The following ZPLD1 variants were observed in gnomAD, a reference collection of about 807,000 sequenced individuals.
The protein encoded by ZPLD1 is zona pellucida-like domain-containing protein 1.
A neutral mutation model predicts 47.2 loss-of-function variants in ZPLD1; 34 were observed. The ratio of observed to expected loss-of-function variants is 0.72; its 90% CI spans 0.55 to 0.96. The LOEUF (loss-of-function observed/expected upper bound fraction) is 0.96, where lower values mean the gene tolerates loss of function less well. Among genes scored for constraint, ZPLD1 ranks in the 40% least tolerant of loss-of-function variants. The pLI, the probability that ZPLD1 is intolerant of heterozygous loss-of-function variation, is 0.00. For synonymous variants in ZPLD1, 176 were observed against 186.2 expected, an observed-to-expected ratio of 0.95 and a Z score of 0.45; for missense variants, 512 against 505.8, an observed-to-expected ratio of 1.01 and a Z score of -0.12.
chr3:102,448,499 G>A (rs62272481), intron 3 of ZPLD1, among the ~76,000 whole-genome samples: 20,031 of 152,188 alleles, frequency 0.13, 1,398 homozygotes, highest in Middle Eastern at 0.18. Flanking sequence ...AAGTTGTGCT[G>A]AATGGATGTC....
chr3:102,455,728 G>T (rs1046227131), intron 4 of ZPLD1, among the ~76,000 whole-genome samples: 5 of 152,180 alleles, frequency 3.3e-5, no homozygotes, highest in Non-Finnish European at 5.9e-5. Context: ...TGCATATGGG[G>T]AGTCAGGGGA....
At chr3:102,457,547 A>C (rs2107341533) in intron 5 of ZPLD1, among the ~76,000 whole-genome samples, 1 of 152,338 alleles carries the variant, frequency 6.6e-6, no homozygotes, top group South Asian at 2.1e-4. Flanking sequence ...CAAAACAAAC[A>C]AAAAAGATTG....
At chr3:102,388,811 G>T (rs530694081) in intron 6 of ZPLD1, among the ~76,000 whole-genome samples, 1 of 152,232 alleles carries the variant, frequency 6.6e-6, no homozygotes, top group East Asian at 1.9e-4. Flanking sequence ...ATTTCTGGGG[G>T]GGTGAGGAAT....
At chr3:102,410,886 C>T (rs2107298870) in intron 7 of ZPLD1, among the ~76,000 whole-genome samples, 1 of 151,918 alleles carries the variant, frequency 6.6e-6, no homozygotes, top group Non-Finnish European at 1.5e-5. Context: ...AAAATTCCAA[C>T]AGATTTGTGT....
intron 7 of ZPLD1, 126 bp downstream of exon 7, chr3:102,462,504 G>A (rs1559759493): frequency 3.5e-6 from 2 of 568,896 alleles, no homozygotes; most frequent in Admixed American, 7.2e-5. Context: ...ACACCATTTA[G>A]GCATGCTACT....
intron 10 of ZPLD1, among the ~76,000 whole-genome samples, chr3:102,474,067 T>C (rs1188145954): frequency 1.3e-5 from 2 of 152,244 alleles, no homozygotes; most frequent in Non-Finnish European, 1.5e-5. Flanking sequence ...TGCTTTTTAA[T>C]GAAATCAAAT....
At chr3:102,405,657 T>A (rs932471325) in intron 7 of ZPLD1, among the ~76,000 whole-genome samples, 1 of 152,084 alleles carries the variant, frequency 6.6e-6, no homozygotes, top group Admixed American at 6.6e-5. Context: ...TCTAAACTTA[T>A]ACTAGCATGT....
At chr3:102,402,979 A>C (rs1706639347) in intron 7 of ZPLD1, among the ~76,000 whole-genome samples, 1 of 151,946 alleles carries the variant, frequency 6.6e-6, no homozygotes, top group Non-Finnish European at 1.5e-5. Flanking sequence ...TGCACCCATC[A>C]TCCTGCTTCA....
chr3:102,386,977 G>T (rs1399807090), intron 6 of ZPLD1, among the ~76,000 whole-genome samples: 2 of 152,024 alleles, frequency 1.3e-5, no homozygotes, highest in African/African-American at 4.8e-5. Flanking sequence ...AATATTTTTT[G>T]ATGTCTATTT....
At chr3:102,435,250 C>A in intron 1 of ZPLD1, 96 bp downstream of exon 1, 2 of 1,334,378 alleles carry the variant, frequency 1.5e-6, no homozygotes, top group Non-Finnish European at 2.2e-6. Flanking sequence ...TGTCGTAAGC[C>A]CTGCCAAGAC....
chr3:102,398,934 A>G (rs1706588654), intron 7 of ZPLD1, among the ~76,000 whole-genome samples: 1 of 152,106 alleles, frequency 6.6e-6, no homozygotes, highest in African/African-American at 2.4e-5. Context: ...TTATAACTTT[A>G]TATTCATGCC....
At chr3:102,462,447 G>A in intron 7 of ZPLD1, 69 bp downstream of exon 7, 1 of 1,035,356 alleles carries the variant, frequency 9.7e-7, no homozygotes, top group Non-Finnish European at 1.4e-6. Context: ...GAGTCATAAA[G>A]TTGGGCCATT....
chr3:102,429,471 C>A (rs1706989726), intron 8 of ZPLD1, among the ~76,000 whole-genome samples: 1 of 152,062 alleles, frequency 6.6e-6, no homozygotes, highest in Admixed American at 6.6e-5. Flanking sequence ...ATATAACAAC[C>A]AAATGTAATA....
Position 102,470,334 on chromosome 3 carries a change from G to T in ZPLD1, c.934-60G>T, listed in dbSNP as rs1235982694. 34 of 1,300,424 alleles carry T rather than the reference G, an allele frequency of 2.6e-5. 1 individual carries two copies. The highest frequency in any genetic ancestry group is 3.8e-5 in the Non-Finnish European group (34 of 899,872). 80.6% of individuals were successfully genotyped at this position (1,300,424 alleles called of 1,614,324 possible). The stretch of plus-strand genomic sequence containing the variant: ...TCCAAAAGAATCTGCTTTCCAAATG[G>T]CCATAAAGAAACAATTCTGCGCCGG... On this transcript the variant is annotated intron_variant, in intron 9 of 11. Transcript: ENST00000466937.
intron 8 of ZPLD1, among the ~76,000 whole-genome samples, chr3:102,428,085 T>C (rs1706971459): frequency 6.6e-6 from 1 of 152,136 alleles, no homozygotes; most frequent in African/African-American, 2.4e-5. Flanking sequence ...CTCAACTATA[T>C]AGTCTCAGAA....
chr3:102,429,312 T>C (rs1455668421), intron 8 of ZPLD1, among the ~76,000 whole-genome samples: 1 of 152,178 alleles, frequency 6.6e-6, no homozygotes, highest in Non-Finnish European at 1.5e-5. Flanking sequence ...CTTAACATAT[T>C]TGAATAACTT....
chr3:102,447,776 A>G (rs1707280473), intron 3 of ZPLD1, among the ~76,000 whole-genome samples: 1 of 152,196 alleles, frequency 6.6e-6, no homozygotes, highest in African/African-American at 2.4e-5. Flanking sequence ...ATATTATTAG[A>G]TATGTAAATA....
intron 7 of ZPLD1, among the ~76,000 whole-genome samples, chr3:102,399,200 T>C (rs888182515): frequency 6.6e-6 from 1 of 152,136 alleles, no homozygotes; most frequent in African/African-American, 2.4e-5. Context: ...TTCATGTTCA[T>C]ACAGAGGGTA....
chr3:102,417,478 C>T (rs1706822687), intron 7 of ZPLD1, among the ~76,000 whole-genome samples: 1 of 151,804 alleles, frequency 6.6e-6, no homozygotes, highest in Admixed American at 6.6e-5. Flanking sequence ...GCTCCAAAGG[C>T]TGGTGGAGGT....
Sources: allele counts gnomAD v4.1 joint callset (sites outside exome capture counted in the v4.1 genomes callset), GRCh38; gene constraint gnomAD v4.1.1; transcripts MANE v1.5; gene names NCBI Gene and HGNC (gene_info 2026-07-23, HGNC 2026-07-21).